Variants in DHX29 observed in about 807,000 individuals in gnomAD.
The protein encoded by DHX29 is ATP-dependent RNA helicase DHX29.
Under a neutral mutation model 167.9 loss-of-function variants are expected in DHX29, and 79 were observed. The ratio of observed to expected loss-of-function variants is 0.47; its 90% confidence interval spans 0.39 to 0.57. The LOEUF is 0.57. Among genes scored for constraint, DHX29 ranks in the 20% least tolerant of loss-of-function variants. The pLI is 0.00. For missense variants in DHX29, 1,347 were observed against 1,593.4 expected (o/e 0.85, Z 2.63); for synonymous variants, 530 against 546.0 (o/e 0.97, Z 0.41).
At chr5:55,294,176 C>A (rs1358492381) in intron 5 of DHX29, 31 bp from the exon 6 acceptor site, 2 of 1,547,706 alleles carry the variant, frequency 1.3e-6, no homozygotes, top group South Asian at 1.2e-5. Flanking sequence ...TCTGAAAAAC[C>A]AAAGTTAGAA....
chr5:55,300,703 A>G (rs1428356566), intron 1 of DHX29, among the ~76,000 whole-genome samples: 2 of 152,186 alleles, frequency 1.3e-5, no homozygotes, highest in Non-Finnish European at 2.9e-5. Context: ...ACAAAATAAT[A>G]AAAATAAACC....
At chr5:55,306,959 T>C (rs1748898488) in intron 1 of DHX29, among the ~76,000 whole-genome samples, 1 of 152,132 alleles carries the variant, frequency 6.6e-6, no homozygotes, top group South Asian at 2.1e-4. Context: ...CCAGAACGCA[T>C]GGAGACACTA....
At chr5:55,293,616 G>GT (rs1748158499) in intron 6 of DHX29, among the ~76,000 whole-genome samples, 1 of 152,092 alleles carries the variant, frequency 6.6e-6, no homozygotes, top group African/African-American at 2.4e-5. Context: ...ATGTATTACA[G>GT]TATTTCCCAT....
At chr5:55,267,270 C>T (rs777316252) in intron 22 of DHX29, 39 bp from the exon 23 acceptor site, 34 of 1,481,194 alleles carry the variant, frequency 2.3e-5, no homozygotes, top group Non-Finnish European at 3.2e-5. Flanking sequence ...TAAAGTTCAC[C>T]ATGTTCTCTT....
chr5:55,302,901 TG>T (rs2111983885), intron 1 of DHX29, among the ~76,000 whole-genome samples: 1 of 152,316 alleles, frequency 6.6e-6, no homozygotes, highest in South Asian at 2.1e-4. Context: ...TTTTTGGTTT[TG>T]TGTTTAAGAT....
At chr5:55,263,317 C>G (rs1434038136) in intron 23 of DHX29, among the ~76,000 whole-genome samples, 1 of 152,130 alleles carries the variant, frequency 6.6e-6, no homozygotes, top group East Asian at 1.9e-4. Flanking sequence ...TCCTAGATTG[C>G]AAGTACCTTC....
At chr5:55,279,434 C>T (rs1210830783) in intron 12 of DHX29, 1 of 152,044 alleles carries the variant, frequency 6.6e-6, no homozygotes, top group African/African-American at 2.4e-5. Flanking sequence ...GTCTGATGCT[C>T]AGAAAGGAAA....
intron 26 of DHX29, among the ~76,000 whole-genome samples, chr5:55,259,105 T>C (rs1217460823): frequency 1.3e-5 from 2 of 152,196 alleles, no homozygotes; most frequent in African/African-American, 4.8e-5. Flanking sequence ...CTCAGCCTTC[T>C]GGGTAGCTAG....
At chr5:55,274,544 AAGGGTTT>A in intron 16 of DHX29, 63 bp downstream of exon 16, 1 of 1,156,062 alleles carries the variant, frequency 8.7e-7, no homozygotes, top group South Asian at 1.5e-5. Context: ...AACTCTGATC[AAGGGTTT>A]TAATGTACCA....
At chr5:55,293,439 C>T (rs775645180) in intron 6 of DHX29, among the ~76,000 whole-genome samples, 4 of 152,178 alleles carry the variant, frequency 2.6e-5, no homozygotes, top group Non-Finnish European at 4.4e-5. Flanking sequence ...CACATTCCTC[C>T]CAACATTTAG....
chr5:55,275,016 A>G lies in DHX29; in HGVS notation c.2428-6T>C, dbSNP rs1228066793. The G allele has an allele frequency of 8.7e-6, 14 of 1,608,164 alleles. No individual in the cohort carries two copies. The highest frequency in any genetic ancestry group is 1.1e-5 in the Non-Finnish European group (13 of 1,178,778). ...GTCTGAACTGGGATGTATTCCTAAAAGAAATCCAACCAGAGGGAGGTGAAT... is the reference window on the plus strand; with the variant it reads ...GTCTGAACTGGGATGTATTCCTAAAGGAAATCCAACCAGAGGGAGGTGAAT... On this transcript the variant is annotated splice_polypyrimidine_tract_variant and splice_region_variant and intron_variant, in intron 14 of 26. Transcript: ENST00000251636.
intron 8 of DHX29, among the ~76,000 whole-genome samples, chr5:55,288,835 C>T (rs940137626): frequency 1.5e-4 from 23 of 151,982 alleles, no homozygotes; most frequent in African/African-American, 4.1e-4. Flanking sequence ...AAACAGCCAA[C>T]GTTTTCAAGA....
chr5:55,278,492 A>G (rs1378492517), intron 12 of DHX29, among the ~76,000 whole-genome samples: 1 of 151,494 alleles, frequency 6.6e-6, no homozygotes, highest in Non-Finnish European at 1.5e-5. Flanking sequence ...GAGATAATGC[A>G]AAGCCCTTAG....
intron 20 of DHX29, 43 bp downstream of exon 20, chr5:55,270,369 A>G: frequency 6.5e-7 from 1 of 1,539,302 alleles, no homozygotes; most frequent in Non-Finnish European, 8.7e-7. Context: ...CTTTTCTAGA[A>G]AGGGGCGAAG....
chr5:55,280,240 T>TAG (rs1747334239), intron 12 of DHX29, among the ~76,000 whole-genome samples: 1 of 152,182 alleles, frequency 6.6e-6, no homozygotes, highest in South Asian at 2.1e-4. Flanking sequence ...TCAATTCAGT[T>TAG]AACTGTGTCT....
Position 55,267,223 on chromosome 5 carries a change from T to G in DHX29, c.3440A>C (p.Lys1147Thr), listed in dbSNP as rs1344420000. Reference sequence around the variant, plus strand: ...ACGATAACCTCCTTCTTGTCGTGCTTTCTTCCATCTAGATAAATAAAATGT... The same window carrying G: ...ACGATAACCTCCTTCTTGTCGTGCTGTCTTCCATCTAGATAAATAAAATGT... ...TIYNAYLGWK[K>T]ARQEGGYRSE... Residue 1147 changes from lysine to threonine, a missense_variant, in exon 23 of 27, where the codon AAA (lysine) becomes ACA (threonine). This residue lies in a region of DHX29 where 882 missense variants were observed against 1,082.4 expected (regional missense o/e 0.81). Coordinates refer to ENST00000251636, the MANE Select transcript of DHX29 (RefSeq NM_019030.4). 2.5e-6 allele frequency: 4 copies of G among 1,611,232 alleles called. 1 individual carries two copies. Among genetic ancestry groups the G allele is most frequent in the African/African-American group, 2.7e-5 (2 of 74,982 alleles).
intron 8 of DHX29, among the ~76,000 whole-genome samples, chr5:55,286,394 T>C (rs528689005): frequency 2.0e-5 from 3 of 152,348 alleles, no homozygotes; most frequent in South Asian, 2.1e-4. Flanking sequence ...GAGGAACTTA[T>C]GTATTCTTGT....
At chr5:55,284,604 A>G (rs1359228288) in intron 10 of DHX29, among the ~76,000 whole-genome samples, 2 of 152,240 alleles carry the variant, frequency 1.3e-5, no homozygotes, top group Non-Finnish European at 2.9e-5. Context: ...ACGAAGAAAG[A>G]AACACATTTA....
At chr5:55,272,398 C>T (rs1746896037) in intron 17 of DHX29, among the ~76,000 whole-genome samples, 1 of 152,092 alleles carries the variant, frequency 6.6e-6, no homozygotes, top group Admixed American at 6.6e-5. Flanking sequence ...TTTATTCCAA[C>T]AAAAATACCA....
Sources: allele counts gnomAD v4.1 joint callset (sites outside exome capture counted in the v4.1 genomes callset), GRCh38; gene constraint gnomAD v4.1.1; regional missense constraint gnomAD v4.1.1; transcripts MANE v1.5; gene names NCBI Gene and HGNC (gene_info 2026-07-23, HGNC 2026-07-21).